CPEB3: variants seen among roughly 807,000 people sequenced by gnomAD.
CPEB3 encodes cytoplasmic polyadenylation element-binding protein 3.
A neutral mutation model predicts 67.2 loss-of-function variants in CPEB3; 20 were observed. The ratio of observed to expected loss-of-function variants is 0.30; its 90% CI spans 0.21 to 0.43. CPEB3 has a LOEUF of 0.43. CPEB3 is among the 20% of genes least tolerant of loss of function. The probability of loss-of-function intolerance (pLI) is 1.00; values close to 1 mark genes in which losing one functional copy is unlikely to be tolerated. For missense variants in CPEB3, 746 were observed against 968.6 expected (o/e 0.77, Z 3.05); for synonymous variants, 376 against 393.1 (o/e 0.96, Z 0.51).
At chr10:92,073,618 A>T (rs4933714) in intron 9 of CPEB3, among the ~76,000 whole-genome samples, 21 of 150,954 alleles carry the variant, frequency 1.4e-4, no homozygotes, top group Admixed American at 4.0e-4. Flanking sequence ...TAAAAAAAAA[A>T]TTTTTTTTTG....
At chr10:92,230,657 C>T (rs1851222857) in intron 2 of CPEB3, among the ~76,000 whole-genome samples, 1 of 152,106 alleles carries the variant, frequency 6.6e-6, no homozygotes, top group Admixed American at 6.5e-5. Flanking sequence ...CCACAAAGAA[C>T]ACTAAAGGGT....
chr10:92,224,893 A>T lies in CPEB3; in HGVS notation c.1005+14453T>A, dbSNP rs1850888447. On this transcript the variant is annotated intron_variant, in intron 2 of 9. Coordinates refer to ENST00000265997, the MANE Select transcript of CPEB3 (RefSeq NM_014912.5). ...TATAACTTTATATATATATAAATTT[A>T]AAAATATATATATTTTATATATTTA... 2.0e-5 allele frequency among the ~76,000 whole-genome samples: 3 copies of T among 147,738 alleles called. No individual in the cohort carries two copies. The South Asian group carries it at 6.3e-4, about 31-fold the overall frequency.
intron 7 of CPEB3, among the ~76,000 whole-genome samples, chr10:92,095,665 TATC>T (rs977221425): frequency 1.0e-4 from 15 of 149,446 alleles, no homozygotes; most frequent in African/African-American, 3.2e-4. Context: ...TTCATTGTAA[TATC>T]ATACTTTATA....
At chr10:92,117,744 GT>G (rs140221479) in intron 6 of CPEB3, among the ~76,000 whole-genome samples, 57,883 of 149,940 alleles carry the variant, frequency 0.39, 12,004 homozygotes, top group African/African-American at 0.55. Flanking sequence ...AATTTTTCAT[GT>G]TTTTTTTTTA....
rs148305723 is a variant in CPEB3, at chr10:92,131,828, T to TA, written c.1453+11200dup. On this transcript the variant is annotated intron_variant, in intron 6 of 9. Transcript: ENST00000265997. The stretch of plus-strand genomic sequence containing the variant: ...TGCCACATATAATTCCTTAAAGATG[T>TA]AAAAAAAATCCTTAAGCTCACAGGT... Among the ~76,000 whole-genome samples, 149 of 152,130 alleles carry TA rather than the reference T, an allele frequency of 9.8e-4. 1 individual carries two copies. In the East Asian group the frequency reaches 0.024, roughly 25 times the overall value.
intron 6 of CPEB3, among the ~76,000 whole-genome samples, chr10:92,126,611 A>G (rs747228620): frequency 2.6e-5 from 4 of 152,232 alleles, no homozygotes; most frequent in Non-Finnish European, 5.9e-5. Flanking sequence ...ATAGCTTAAG[A>G]TGCTAATTTT....
At chr10:92,105,721 T>G (rs1175935159) in intron 7 of CPEB3, among the ~76,000 whole-genome samples, 1 of 146,072 alleles carries the variant, frequency 6.8e-6, no homozygotes. Context: ...GTGGGTTTTT[T>G]TTTTTTTTTT....
intron 3 of CPEB3, among the ~76,000 whole-genome samples, chr10:92,191,464 A>C (rs1467809720): frequency 6.6e-6 from 1 of 152,148 alleles, no homozygotes; most frequent in African/African-American, 2.4e-5. Flanking sequence ...TTTATAACCT[A>C]TTGACTACTT....
intron 1 of CPEB3, among the ~76,000 whole-genome samples, chr10:92,250,388 A>G (rs1368287227): frequency 6.6e-6 from 1 of 151,922 alleles, no homozygotes; most frequent in African/African-American, 2.4e-5. Flanking sequence ...GTACCCGGCC[A>G]ATTTTTAAAA....
chr10:92,191,209 C>G (rs1032019249), intron 3 of CPEB3, among the ~76,000 whole-genome samples: 2 of 151,918 alleles, frequency 1.3e-5, no homozygotes, highest in Non-Finnish European at 1.5e-5. Context: ...TGAGAACAGC[C>G]TGGCCAACAT....
chr10:92,226,691 C>T (rs1371658693), intron 2 of CPEB3, among the ~76,000 whole-genome samples: 4 of 152,026 alleles, frequency 2.6e-5, no homozygotes, highest in African/African-American at 9.7e-5. Context: ...TACTGTAAGA[C>T]AATGTAGCAT....
chr10:92,168,664 T>G (rs1847858166), intron 4 of CPEB3, among the ~76,000 whole-genome samples: 1 of 152,124 alleles, frequency 6.6e-6, no homozygotes, highest in South Asian at 2.1e-4. Flanking sequence ...TTCCCCTCTT[T>G]GCTTGGCACT....
chr10:92,069,499 G>C (rs921371016), intron 9 of CPEB3, among the ~76,000 whole-genome samples: 3 of 152,044 alleles, frequency 2.0e-5, no homozygotes, highest in African/African-American at 7.2e-5. Flanking sequence ...CGCTTCCCAG[G>C]CTCAAGTGAT....
intron 9 of CPEB3, among the ~76,000 whole-genome samples, chr10:92,064,903 T>C (rs1842488575): frequency 6.6e-6 from 1 of 152,238 alleles, no homozygotes; most frequent in Admixed American, 6.5e-5. Flanking sequence ...ATTAAAGAGG[T>C]ATACCTCAGT....
intron 1 of CPEB3, among the ~76,000 whole-genome samples, chr10:92,287,153 G>A (rs965962105): frequency 6.1e-5 from 9 of 147,238 alleles, no homozygotes; most frequent in African/African-American, 1.8e-4. Flanking sequence ...TTTTTGAGAC[G>A]GAGTCTCACT....
intron 9 of CPEB3, among the ~76,000 whole-genome samples, chr10:92,071,708 C>T (rs1842760162): frequency 6.6e-6 from 1 of 150,880 alleles, no homozygotes. Context: ...GCACTCCAGC[C>T]TGGGCAACAG....
At chr10:92,248,541 C>T (rs544635068) in intron 1 of CPEB3, among the ~76,000 whole-genome samples, 8 of 152,184 alleles carry the variant, frequency 5.3e-5, no homozygotes, top group South Asian at 4.2e-4. Flanking sequence ...GCTAAATATA[C>T]GGATAAATGG....
intron 1 of CPEB3, among the ~76,000 whole-genome samples, chr10:92,284,482 C>T (rs1270949477): frequency 6.6e-6 from 1 of 152,122 alleles, no homozygotes; most frequent in Non-Finnish European, 1.5e-5. Flanking sequence ...TCTCTTGCCT[C>T]AAGATCTCCT....
chr10:92,155,134 G>A (rs866423561), intron 4 of CPEB3, among the ~76,000 whole-genome samples: 15 of 152,260 alleles, frequency 9.9e-5, no homozygotes, highest in East Asian at 1.9e-4. Context: ...ACTTGAACCC[G>A]TGAGGCGGAG....
Sources: allele counts gnomAD v4.1 joint callset (sites outside exome capture counted in the v4.1 genomes callset), GRCh38; gene constraint gnomAD v4.1.1; transcripts MANE v1.5; gene names NCBI Gene and HGNC (gene_info 2026-07-23, HGNC 2026-07-21).